Variants in ZNF883 observed in about 807,000 individuals in gnomAD.
ZNF883 encodes the protein zinc finger protein 883.
chr9:112,990,132 G>T (rs1056665611), intron 1 of ZNF883, among the ~76,000 whole-genome samples: 3 of 152,070 alleles, frequency 2.0e-5, no homozygotes, highest in African/African-American at 7.2e-5. Flanking sequence ...GATTGCCCTG[G>T]CCAGAACTTC....
At chr9:113,004,525 C>T (rs1429057154) in intron 2 of ZNF883, among the ~76,000 whole-genome samples, 1 of 151,926 alleles carries the variant, frequency 6.6e-6, no homozygotes, top group Non-Finnish European at 1.5e-5. Flanking sequence ...GATTAGTGCA[C>T]TTGTAAGAGG....
chr9:112,999,398 G>T (rs1407152459), upstream of ZNF883, among the ~76,000 whole-genome samples: 1 of 151,954 alleles, frequency 6.6e-6, no homozygotes, highest in Admixed American at 6.6e-5. Context: ...TTTCCATTCT[G>T]ACCAATTCTC....
upstream of ZNF883, among the ~76,000 whole-genome samples, chr9:113,003,179 C>T (rs989594292): frequency 1.3e-5 from 2 of 152,242 alleles, no homozygotes; most frequent in African/African-American, 2.4e-5. Flanking sequence ...GAATCATGGG[C>T]GCAGTTTCCC....
downstream of ZNF883, among the ~76,000 whole-genome samples, chr9:112,993,492 T>A (rs966368420): frequency 3.9e-5 from 6 of 152,198 alleles, no homozygotes; most frequent in Non-Finnish European, 8.8e-5. Flanking sequence ...ATACGGTGTC[T>A]GGTGACCTCT....
chr9:112,991,886 G>C (rs1245947283), intron 1 of ZNF883, among the ~76,000 whole-genome samples: 1 of 152,102 alleles, frequency 6.6e-6, no homozygotes, highest in Non-Finnish European at 1.5e-5. Context: ...TGTTTTGTCA[G>C]AAACTAGTAT....
chr9:113,010,081 T>G (rs972798018), intron 2 of ZNF883, among the ~76,000 whole-genome samples: 1 of 151,582 alleles, frequency 6.6e-6, no homozygotes, highest in Non-Finnish European at 1.5e-5. Context: ...GACTGTCAGT[T>G]CCACATAGGC....
chr9:113,000,556 G>A (rs1828412774), upstream of ZNF883, among the ~76,000 whole-genome samples: 1 of 152,108 alleles, frequency 6.6e-6, no homozygotes, highest in Non-Finnish European at 1.5e-5. Flanking sequence ...TGGTGTAAGT[G>A]TAGATAAGAC....
At chr9:112,997,538 G>T (rs868441460) in exon 1 of ZNF883, 1 of 1,613,978 alleles carries the variant, frequency 6.2e-7, no homozygotes, top group Non-Finnish European at 8.5e-7. Flanking sequence ...CTTTCCACAT[G>T]CATTACACTC....
At chr9:112,994,288 C>CTGCTTTTCCTCACTCTCCG (rs1240848460), downstream of ZNF883, among the ~76,000 whole-genome samples, 2,006 of 151,626 alleles carry the variant, frequency 0.013, 29 homozygotes, top group Non-Finnish European at 0.019. Flanking sequence ...TCACACCACC[C>CTGCTTTTCCTCACTCTCCG]TGCTTTTCCT....
chr9:113,006,232 C>T lies in ZNF883; in HGVS notation n.166-4159G>A, dbSNP rs574968311. 5.7e-4 allele frequency among the ~76,000 whole-genome samples: 86 copies of T among 152,180 alleles called. 3 individuals are homozygous for T. The South Asian group carries it at 0.017, about 29-fold the overall frequency. On this transcript the variant is annotated intron_variant and non_coding_transcript_variant, in intron 2 of 4. Coordinates refer to the ZNF883 transcript ENST00000638622. ...TGCCCACCAGAGCCATGACAGTTTA[C>T]AATTGCCATGGCAATGCCCAAAGTT...
At chr9:113,007,240 T>C (rs1828488006) in intron 2 of ZNF883, among the ~76,000 whole-genome samples, 1 of 152,132 alleles carries the variant, frequency 6.6e-6, no homozygotes, top group South Asian at 2.1e-4. Flanking sequence ...CCTGACGGGG[T>C]AGATGTTTTA....
intron 2 of ZNF883, among the ~76,000 whole-genome samples, chr9:113,006,618 AAAG>A (rs1828479246): frequency 6.6e-6 from 1 of 152,108 alleles, no homozygotes; most frequent in Non-Finnish European, 1.5e-5. Context: ...CTGCTATCTT[AAAG>A]AAGTAGGATT....
At chr9:112,988,671 A>G (rs1828275311) in intron 1 of ZNF883, among the ~76,000 whole-genome samples, 1 of 152,182 alleles carries the variant, frequency 6.6e-6, no homozygotes, top group African/African-American at 2.4e-5. Context: ...GTATATACTC[A>G]GTAATGGGAT....
At chr9:112,995,598 C>T (rs1050191418), downstream of ZNF883, among the ~76,000 whole-genome samples, 1 of 151,848 alleles carries the variant, frequency 6.6e-6, no homozygotes, top group African/African-American at 2.4e-5. Context: ...GGAGAACACA[C>T]ACTAATACAT....
rs564462916 is a variant in ZNF883 at position 113,010,847 on chromosome 9, G to A, written n.165+294C>T. ...CTAAAAATACAAAAATTAGCCGGGC[G>A]TGGTGGTGCACGCCTGTAATTCCAG... On this transcript the variant is annotated intron_variant and non_coding_transcript_variant, in intron 2 of 4. Coordinates refer to the ZNF883 transcript ENST00000638622. 4.6e-5 allele frequency among the ~76,000 whole-genome samples: 7 copies of A among 151,998 alleles called. No homozygotes were observed. In the South Asian group the frequency reaches 6.2e-4, roughly 14 times the overall value.
downstream of ZNF883, among the ~76,000 whole-genome samples, chr9:112,993,902 C>T (rs1828325237): frequency 6.6e-6 from 1 of 152,232 alleles, no homozygotes; most frequent in South Asian, 2.1e-4. Flanking sequence ...CTCCCCAGCA[C>T]TGGCAGGGGA....
chr9:113,010,709 C>T (rs576205581), intron 2 of ZNF883, among the ~76,000 whole-genome samples: 19 of 152,106 alleles, frequency 1.2e-4, no homozygotes, highest in African/African-American at 3.4e-4. Flanking sequence ...AAAATTAGGC[C>T]GGGCACGGTG....
chr9:113,005,917 C>A (rs768432874), intron 2 of ZNF883, among the ~76,000 whole-genome samples: 1 of 152,004 alleles, frequency 6.6e-6, no homozygotes, highest in Non-Finnish European at 1.5e-5. Flanking sequence ...TCTTGATTCC[C>A]AATTCTGTAG....
At chr9:112,989,436 G>A (rs1434745342) in intron 1 of ZNF883, among the ~76,000 whole-genome samples, 2 of 152,138 alleles carry the variant, frequency 1.3e-5, no homozygotes, top group African/African-American at 2.4e-5. Flanking sequence ...GGTTCCAGAT[G>A]TGTGGTCTTA....
Sources: allele counts gnomAD v4.1 joint callset (sites outside exome capture counted in the v4.1 genomes callset), GRCh38; gene constraint gnomAD v4.1.1; transcripts MANE v1.5; gene names NCBI Gene and HGNC (gene_info 2026-07-23, HGNC 2026-07-21).